TUSC3: variants seen among roughly 807,000 people sequenced by gnomAD.
TUSC3 encodes the protein dolichyl-diphosphooligosaccharide--protein glycosyltransferase subunit TUSC3.
TUSC3 carries 45 observed loss-of-function variants against 44.8 expected under a neutral mutation model. The ratio of observed to expected loss-of-function variants is 1.00; its 90% CI spans 0.79 to 1.29. TUSC3 has a LOEUF of 1.29. TUSC3 is among the 50% of genes most tolerant of loss of function. The pLI is 0.00. For missense variants in TUSC3, 519 were observed against 437.9 expected (o/e 1.19, Z -1.65); for synonymous variants, 212 against 152.9 (o/e 1.39, Z -2.85).
At chr8:15,490,981 A>T (rs767791582) in intron 2 of TUSC3, among the ~76,000 whole-genome samples, 2 of 152,192 alleles carry the variant, frequency 1.3e-5, no homozygotes, top group African/African-American at 4.8e-5. Context: ...GGCCCCCCCA[A>T]TCTTTAAAGA....
chr8:15,753,326 C>G (rs1297256854), intron 9 of TUSC3, among the ~76,000 whole-genome samples: 1 of 152,028 alleles, frequency 6.6e-6, no homozygotes, highest in Non-Finnish European at 1.5e-5. Context: ...TTCCTACATT[C>G]TATGGATATA....
chr8:15,497,781 G>A (rs1458310923), intron 2 of TUSC3, among the ~76,000 whole-genome samples: 2 of 149,294 alleles, frequency 1.3e-5, no homozygotes, highest in Non-Finnish European at 3.0e-5. Context: ...GTCTCGCTCT[G>A]TCTCCCAGGC....
Position 15,662,159 on chromosome 8 carries a change from C to A in TUSC3, c.571C>A (p.Arg191=), listed in dbSNP as rs1043343500. The change falls in exon 5 of 11, where the codon CGG becomes AGG. Residue 191 remains arginine, a synonymous_variant. Transcript: ENST00000503731. ...AATTTCTATTGCATTTTTGCAGATTCGGGTTTTCAGACCACCCAACTACTC... is the reference window on the plus strand; with the variant it reads ...AATTTCTATTGCATTTTTGCAGATTAGGGTTTTCAGACCACCCAACTACTC... ...WIADRTDVHI[R]VFRPPNYSGT... The A allele has an allele frequency of 3.7e-6, 6 of 1,612,328 alleles. No homozygotes were observed. The African/African-American group carries it at 8.0e-5, about 22-fold the overall frequency.
chr8:15,850,804 G>T, the TUSC3 span, among the ~76,000 whole-genome samples: 4 of 152,144 alleles, frequency 2.6e-5, no homozygotes, highest in Admixed American at 1.3e-4. Flanking sequence ...GCTATATATT[G>T]TGAACAACAT....
At chr8:15,488,372 C>G (rs946400927) in intron 2 of TUSC3, among the ~76,000 whole-genome samples, 8 of 151,952 alleles carry the variant, frequency 5.3e-5, no homozygotes, top group African/African-American at 1.9e-4. Context: ...TGTAGTGGCT[C>G]GCACCTGTAG....
chr8:15,805,279 A>G, the TUSC3 span, among the ~76,000 whole-genome samples: 5 of 152,256 alleles, frequency 3.3e-5, no homozygotes, highest in East Asian at 5.8e-4. Flanking sequence ...GTCTGCAAAG[A>G]GAGATAATTT....
At chr8:15,527,389 A>G (rs984198471) in intron 2 of TUSC3, among the ~76,000 whole-genome samples, 1 of 151,882 alleles carries the variant, frequency 6.6e-6, no homozygotes, top group East Asian at 1.9e-4. Context: ...GCTAATTTTT[A>G]TATTTTTAGT....
At chr8:15,796,325 T>C in the TUSC3 span, among the ~76,000 whole-genome samples, 2 of 152,168 alleles carry the variant, frequency 1.3e-5, no homozygotes, top group African/African-American at 4.8e-5. Context: ...CAGCTGTGAA[T>C]TACTTTCACA....
At chr8:15,649,685 T>C (rs1437780239) in intron 2 of TUSC3, among the ~76,000 whole-genome samples, 1 of 152,202 alleles carries the variant, frequency 6.6e-6, no homozygotes, top group East Asian at 1.9e-4. Flanking sequence ...AATGTTTTTC[T>C]AGCTTCTTAT....
At chr8:15,738,075 A>G (rs1231595787) in intron 7 of TUSC3, among the ~76,000 whole-genome samples, 1 of 152,132 alleles carries the variant, frequency 6.6e-6, no homozygotes, top group Non-Finnish European at 1.5e-5. Flanking sequence ...ATATGTCTTA[A>G]TTACACCCAT....
intron 1 of TUSC3, among the ~76,000 whole-genome samples, chr8:15,446,572 C>G (rs973522666): frequency 6.6e-6 from 1 of 151,904 alleles, no homozygotes; most frequent in Non-Finnish European, 1.5e-5. Context: ...CCAAAAAATA[C>G]AAAAACGAGT....
At chr8:15,480,631 C>A (rs1800645634) in intron 1 of TUSC3, among the ~76,000 whole-genome samples, 3 of 152,114 alleles carry the variant, frequency 2.0e-5, no homozygotes, top group Non-Finnish European at 4.4e-5. Flanking sequence ...CTTGAGGCTT[C>A]CCTCCTTGGC....
the TUSC3 span, among the ~76,000 whole-genome samples, chr8:15,818,780 T>C: frequency 6.6e-6 from 1 of 152,266 alleles, no homozygotes; most frequent in Non-Finnish European, 1.5e-5. Flanking sequence ...GTTACAAATA[T>C]GAACTAGATT....
intron 2 of TUSC3, among the ~76,000 whole-genome samples, chr8:15,638,651 T>A (rs1806209589): frequency 6.6e-6 from 1 of 151,408 alleles, no homozygotes; most frequent in African/African-American, 2.4e-5. Context: ...GCAGCCTCCT[T>A]AGTAGCTGGG....
At chr8:15,523,700 G>GTATATATATATATATATATATATA (rs1373439598) in intron 2 of TUSC3, among the ~76,000 whole-genome samples, 1 of 103,272 alleles carries the variant, frequency 9.7e-6, no homozygotes, top group Non-Finnish European at 1.9e-5. Flanking sequence ...GTGTGTGTGT[G>GTATATATATATATATATATATATA]TGTGTGTGTA....
chr8:15,464,751 G>C (rs903663322), intron 1 of TUSC3, among the ~76,000 whole-genome samples: 4 of 152,200 alleles, frequency 2.6e-5, no homozygotes, highest in Admixed American at 1.3e-4. Flanking sequence ...TTTACAGCCA[G>C]TGTCTAATGC....
upstream of TUSC3, among the ~76,000 whole-genome samples, chr8:15,537,190 G>A (rs1181453427): frequency 6.6e-6 from 1 of 151,912 alleles, no homozygotes; most frequent in African/African-American, 2.4e-5. Flanking sequence ...AATAAAACTT[G>A]GTCTCCATAA....
At chr8:15,637,343 C>G (rs1276844282) in intron 2 of TUSC3, among the ~76,000 whole-genome samples, 1 of 152,038 alleles carries the variant, frequency 6.6e-6, no homozygotes, top group African/African-American at 2.4e-5. Flanking sequence ...GTAATACAGA[C>G]TTCATTTCTG....
intron 1 of TUSC3, among the ~76,000 whole-genome samples, chr8:15,621,589 A>G (rs1376785869): frequency 4.7e-5 from 7 of 147,998 alleles, no homozygotes; most frequent in Admixed American, 4.1e-4. Flanking sequence ...GCAAATATAT[A>G]TATGGATTTA....
Sources: allele counts gnomAD v4.1 joint callset (sites outside exome capture counted in the v4.1 genomes callset), GRCh38; gene constraint gnomAD v4.1.1; transcripts MANE v1.5; gene names NCBI Gene and HGNC (gene_info 2026-07-23, HGNC 2026-07-21).